KMT2D: variants seen among roughly 807,000 people sequenced by gnomAD.
KMT2D encodes the protein histone-lysine N-methyltransferase 2D.
KMT2D carries 55 observed loss-of-function variants against 512.7 expected under a neutral mutation model. That is an observed-to-expected ratio of 0.11 (90% confidence interval 0.09 to 0.13). KMT2D has a LOEUF of 0.13. Ranked by LOEUF, KMT2D falls within the 10% of genes least tolerant of loss-of-function variation. KMT2D has a pLI of 1.00. For missense variants in KMT2D, 6,061 were observed against 7,127.9 expected (o/e 0.85, Z 5.39); for synonymous variants, 2,995 against 2,904.0 (o/e 1.03, Z -1.01).
chr12:49,033,216 G>A lies in KMT2D; in HGVS notation c.11489C>T (p.Thr3830Ile), dbSNP rs1943043352. 1 of 1,551,486 alleles carries A rather than the reference G, an allele frequency of 6.4e-7. No individual in the cohort carries two copies. The change falls in exon 40 of 55, where the codon ACC (threonine) becomes ATC (isoleucine). Residue 3830 changes from threonine (T) to isoleucine (I), a missense_variant. Physicochemically the swap from Thr to Ile is moderately conservative, Grantham distance 89 (BLOSUM62 -1). This residue lies in a region of KMT2D where 1,600 missense variants were observed against 1,754.9 expected (regional missense o/e 0.91). Transcript: ENST00000301067. ...GGGGGAACTGAGCACCCGGGACTGG[G>A]TCATAAGCACCTGTCTGTGAGGGCC... ...PQGPHRQVLM[T>I]QSRVLSSPQL...
chr12:49,040,004 G>C lies in KMT2D; in HGVS notation c.7766C>G (p.Pro2589Arg), dbSNP rs2120520853. 1 of 1,613,720 alleles carries C rather than the reference G, an allele frequency of 6.2e-7. No individual in the cohort carries two copies. The highest frequency in any genetic ancestry group is 8.5e-7 in the Non-Finnish European group (1 of 1,179,786). The part of the protein sequence containing the change: ...NYTVATGNFH[P>R]SGSPLGPSSG... ...GCTGGGCCCCAGGGGGCTGCCCGAT[G>C]GGTGGAAGTTCCCTGTGGCTACTGT... Residue 2589 changes from proline to arginine, a missense_variant, in exon 32 of 55, where the codon CCA becomes CGA. Physicochemically the swap from Pro to Arg is moderately radical, Grantham distance 103. This residue lies in a region of KMT2D where 527 missense variants were observed against 578.9 expected (regional missense o/e 0.91). Transcript: ENST00000301067.
rs2120707603 is a variant in KMT2D at position 49,054,329 on chromosome 12, G to A, written c.488C>T (p.Ala163Val). 6.3e-7 allele frequency: 1 copy of A among 1,595,342 alleles called. No individual in the cohort carries two copies. The highest frequency in any genetic ancestry group is 1.3e-5 in the African/African-American group (1 of 74,572). ...EGPELCGVDKAIFSGISQRCS... is the reference protein window; with the variant it reads ...EGPELCGVDKVIFSGISQRCS... ...CACCTGTGAGATCCCTGAGAAGATG[G>A]CCTTGTCCACACCACATAGTTCTGG... Residue 163 changes from alanine to valine, a missense_variant, in exon 5 of 55, where the codon GCC (alanine) becomes GTC (valine). Ala to Val is a moderately conservative substitution (Grantham distance 64). Coordinates refer to ENST00000301067, the MANE Select transcript of KMT2D (RefSeq NM_003482.4). This position sits in a 1 kb window ranked among gnomAD's most constrained non-coding sequence, Gnocchi z 6.4.
intron 35 of KMT2D, 63 bp downstream of exon 35, chr12:49,037,062 T>G (rs1000730378): frequency 6.6e-7 from 1 of 1,511,996 alleles, no homozygotes; most frequent in Non-Finnish European, 8.9e-7. Flanking sequence ...CTAGCCTCAG[T>G]GCCCATTTAG....
At position 49,031,565 on chromosome 12, in the gene KMT2D, T is replaced by TGGG. The variant is rs756684775; in HGVS notation, c.13137_13139dup (p.Pro4380dup). ...GCTTCTGGGTTTCTGCTAGGTTGTC[T>TGGG]GGGGGATCCCAAGGTCCCAGACCCT... On this transcript the variant is annotated inframe_insertion, in exon 40 of 55. Coordinates refer to ENST00000301067, the MANE Select transcript of KMT2D (RefSeq NM_003482.4). 6.2e-7 allele frequency: 1 copy of TGGG among 1,601,836 alleles called. No individual in the cohort carries two copies.
chr12:49,049,358 G>A lies in KMT2D; in HGVS notation c.3907-140C>T, dbSNP rs557348196. 86 of 622,326 alleles carry A rather than the reference G, an allele frequency of 1.4e-4. No homozygotes were observed. The African/African-American group carries it at 1.4e-3, about 10-fold the overall frequency. The allele number at this position is 622,326 out of a possible 1,614,324, so 38.6% of individuals were successfully genotyped here. On this transcript the variant is annotated intron_variant, in intron 12 of 54. Transcript: ENST00000301067. Reference sequence around the variant, plus strand: ...GAGTCCCACTCAGGGCAAGGGAAAAGGCCAAACTCCCAGATATCAACAAGC... The same window carrying A: ...GAGTCCCACTCAGGGCAAGGGAAAAAGCCAAACTCCCAGATATCAACAAGC...
intron 36 of KMT2D, 24 bp downstream of exon 36, chr12:49,034,788 C>G (rs1285887943): frequency 1.2e-6 from 2 of 1,610,622 alleles, no homozygotes; most frequent in African/African-American, 1.3e-5. Flanking sequence ...AAAGGGCCAA[C>G]CCCATTCCAG....
In KMT2D at chr12:49,038,132, G is replaced by A. The variant is rs1943317302; in HGVS notation, c.9224C>T (p.Ser3075Leu). 2 of 1,613,832 alleles carry A rather than the reference G, an allele frequency of 1.2e-6. No individual in the cohort carries two copies. Among genetic ancestry groups the A allele is most frequent in the South Asian group, 1.1e-5 (1 of 91,090 alleles). Residue 3075 changes from serine (S) to leucine (L), a missense_variant, in exon 35 of 55, where the codon TCG becomes TTG. Ser to Leu is a moderately radical substitution (Grantham distance 145). Transcript: ENST00000301067. The surrounding 1 kb of genome is among the most constrained non-coding windows in gnomAD (Gnocchi z 5.7). ...CTCCCGTTCAGCCTTCTCATTAGCC[G>A]ATTCTACCAGCCTCAGGTGCTCATT... is the stretch of plus-strand genomic sequence containing the variant. ...IFNEHLRLVE[S>L]ANEKAEREAL...
rs377008550 is a variant in KMT2D at position 49,054,355 on chromosome 12, G to A, written c.462C>T (p.Gly154=). The change falls in exon 5 of 55, where the codon GGC becomes GGT. Residue 154 remains glycine (G), a synonymous_variant. Coordinates refer to ENST00000301067, the MANE Select transcript of KMT2D (RefSeq NM_003482.4). This position sits in a 1 kb window ranked among gnomAD's most constrained non-coding sequence, Gnocchi z 6.4. ...CCTTGTCCACACCACATAGTTCTGG[G>A]CCCTCCTGCCCCCATACGCCTGCCG... ...AWSAGVWGQE[G]PELCGVDKAI... is the part of the protein sequence containing the mutation. 3.1e-6 allele frequency: 5 copies of A among 1,597,404 alleles called. No homozygotes were observed. The African/African-American group carries it at 5.4e-5, about 17-fold the overall frequency.
chr12:49,058,389 C>T (rs1296459580), intron 1 of KMT2D, among the ~76,000 whole-genome samples: 1 of 152,198 alleles, frequency 6.6e-6, no homozygotes, highest in East Asian at 1.9e-4. Flanking sequence ...AAGGCAAAAC[C>T]CCTATTTTCT....
chr12:49,060,304 G>A lies in KMT2D; in HGVS notation c.-729C>T, dbSNP rs1236820260. 6.6e-6 allele frequency among the ~76,000 whole-genome samples: 1 copy of A among 152,120 alleles called. No individual in the cohort carries two copies. Among genetic ancestry groups the A allele is most frequent in the African/African-American group, 2.4e-5 (1 of 41,442 alleles). ...GAGGAGGCTAGGTAGGCGAGGAAAA[G>A]GAAGGGGCGGGCGGTGCGAGCCCTC... is the stretch of plus-strand genomic sequence containing the variant. On this transcript the variant is annotated 5_prime_UTR_variant, in exon 1 of 55. Transcript: ENST00000301067.
chr12:49,053,063 C>G lies in KMT2D; in HGVS notation c.964G>C (p.Val322Leu), dbSNP rs781206901. ...GAGCCCGCCCCACAGGCCCGGCACACCCGGCACGCCTAAGGGAAGGGAGTG... is the reference window on the plus strand; with the variant it reads ...GAGCCCGCCCCACAGGCCCGGCACAGCCGGCACGCCTAAGGGAAGGGAGTG... Reference protein sequence around the residue: ...AHSWKCKACRVCRACGAGSAE... With the variant: ...AHSWKCKACRLCRACGAGSAE... Residue 322 changes from valine to leucine, a missense_variant, in exon 9 of 55, where the codon GTG becomes CTG. Around this residue, in one of 16 missense-constraint regions of KMT2D, gnomAD observed 160 missense variants for 225.8 expected, o/e 0.71. Transcript: ENST00000301067. 2.2e-5 allele frequency: 36 copies of G among 1,613,918 alleles called. No homozygotes were observed. The South Asian group carries it at 3.6e-4, about 16-fold the overall frequency.
rs776110112 is a variant in KMT2D, at chr12:49,051,419, C to T, written c.2264G>A (p.Arg755Gln). The change falls in exon 11 of 55, where the codon CGG becomes CAG. Residue 755 changes from arginine to glutamine, a missense_variant. Arg to Gln is a conservative substitution (Grantham distance 43). This residue lies in a region of KMT2D where 848 missense variants were observed against 838.5 expected (regional missense o/e 1.01). Transcript: ENST00000301067. ...CGGAGATAGGTGTGGCTCCTCAGGC[C>T]GGGGGGACAGGTGCGGCTCCTCAGG... Reference protein sequence around the residue: ...PRPEEPHLSPRPEEPHLSPQA... With the variant: ...PRPEEPHLSPQPEEPHLSPQA... 9.4e-6 allele frequency: 15 copies of T among 1,594,578 alleles called. No individual in the cohort carries two copies. The highest frequency in any genetic ancestry group is 4.4e-5 in the African/African-American group (3 of 67,804).
rs2120568135 is a variant in KMT2D, at chr12:49,043,402, C to T, written c.5494G>A (p.Glu1832Lys). The change falls in exon 25 of 55, where the codon GAA becomes AAA. Residue 1832 changes from glutamate (E) to lysine (K), a missense_variant. Glu to Lys is a moderately conservative substitution (Grantham distance 56). This residue lies in a region of KMT2D where 640 missense variants were observed against 814.3 expected (regional missense o/e 0.79). Coordinates refer to ENST00000301067, the MANE Select transcript of KMT2D (RefSeq NM_003482.4). ...KGDDGPDIADEESRGLEGKAD... is the reference protein window; with the variant it reads ...KGDDGPDIADKESRGLEGKAD... ...TTGCCCTCGAGGCCACGGGATTCTT[C>T]ATCTGCAATATCTGGACCATCATCT... The T allele has an allele frequency of 1.2e-6, 2 of 1,614,010 alleles. No homozygotes were observed. Among genetic ancestry groups the T allele is most frequent in the South Asian group, 1.1e-5 (1 of 91,086 alleles).
At chr12:49,047,459 C>T (rs1373453148) in intron 15 of KMT2D, among the ~76,000 whole-genome samples, 1 of 132,418 alleles carries the variant, frequency 7.6e-6, no homozygotes, top group African/African-American at 3.0e-5. Flanking sequence ...GTTGCCCAGG[C>T]TGGAGTGGAG....
Position 49,039,772 on chromosome 12 carries a change from G to T in KMT2D, c.7998C>A (p.Asp2666Glu), listed in dbSNP as rs1258008817. The T allele has an allele frequency of 3.3e-5, 53 of 1,613,752 alleles. No individual in the cohort carries two copies. Among genetic ancestry groups the T allele is most frequent in the Non-Finnish European group, 4.3e-5 (51 of 1,179,888 alleles). The change falls in exon 32 of 55, where the codon GAC becomes GAA. Residue 2666 changes from aspartate (D) to glutamate (E), a missense_variant. Around this residue, in one of 16 missense-constraint regions of KMT2D, gnomAD observed 527 missense variants for 578.9 expected, o/e 0.91. Coordinates refer to ENST00000301067, the MANE Select transcript of KMT2D (RefSeq NM_003482.4). This position sits in a 1 kb window ranked among gnomAD's most constrained non-coding sequence, Gnocchi z 5.0. Reference sequence around the variant, plus strand: ...TTTGGCTAAGGCCGGACATGCCTGGGTCCTGGGTACCTGGGAGTTCAGCTG... The same window carrying T: ...TTTGGCTAAGGCCGGACATGCCTGGTTCCTGGGTACCTGGGAGTTCAGCTG... ...LATAELPGTQ[D>E]PGMSGLSQTE...
rs1317027250 is a variant in KMT2D, at chr12:49,030,750, G to A, written c.13690C>T (p.Leu4564=). The part of the protein sequence containing the change: ...QLKQELSLLP[L]TEPAITANFS... ...TTGGCGGTGATAGCAGGCTCCGTTA[G>A]GGGCAGCAGGGACAGCTCCTACAAG... Residue 4564 remains leucine, a synonymous_variant, in exon 42 of 55, where the codon CTA becomes TTA. Coordinates refer to ENST00000301067, the MANE Select transcript of KMT2D (RefSeq NM_003482.4). 2 of 1,613,540 alleles carry A rather than the reference G, an allele frequency of 1.2e-6. No homozygotes were observed. The highest frequency in any genetic ancestry group is 2.7e-5 in the African/African-American group (2 of 74,934).
At position 49,049,750 on chromosome 12, in the gene KMT2D, T is replaced by G. The variant is rs748420199; in HGVS notation, c.3838A>C (p.Ser1280Arg). 7 of 1,609,458 alleles carry G rather than the reference T, an allele frequency of 4.3e-6. No homozygotes were observed. The South Asian group carries it at 4.4e-5, about 10-fold the overall frequency. The change falls in exon 12 of 55, where the codon AGC becomes CGC. Residue 1280 changes from serine (S) to arginine (R), a missense_variant. Physicochemically the swap from Ser to Arg is moderately radical, Grantham distance 110. This residue lies in a region of KMT2D where 447 missense variants were observed against 500.1 expected (regional missense o/e 0.89). Coordinates refer to ENST00000301067, the MANE Select transcript of KMT2D (RefSeq NM_003482.4). Reference protein sequence around the residue: ...SLLCDAGTAISGGKAEGEKGR... With the variant: ...SLLCDAGTAIRGGKAEGEKGR... Reference sequence around the variant, plus strand: ...TTCTCCCCCTCAGCTTTGCCTCCGCTGATAGCTGTCCCAGCATCGCACAAT... The same window carrying G: ...TTCTCCCCCTCAGCTTTGCCTCCGCGGATAGCTGTCCCAGCATCGCACAAT...
At chr12:49,059,420 A>G (rs907420243) in intron 1 of KMT2D, among the ~76,000 whole-genome samples, 193 bp downstream of exon 1, 2 of 151,972 alleles carry the variant, frequency 1.3e-5, no homozygotes, top group African/African-American at 4.8e-5. Context: ...AAAGAGGCAC[A>G]CCCCAAGACA....
Position 49,029,109 on chromosome 12 carries a change from G to C in KMT2D, c.14203C>G (p.Arg4735Gly), listed in dbSNP as rs751383638. The C allele has an allele frequency of 3.1e-6, 5 of 1,611,124 alleles. No individual in the cohort carries two copies. In the South Asian group the frequency reaches 5.5e-5, roughly 18 times the overall value. The change falls in exon 45 of 55, where the codon CGG becomes GGG. Residue 4735 changes from arginine to glycine, a missense_variant. Coordinates refer to ENST00000301067, the MANE Select transcript of KMT2D (RefSeq NM_003482.4). ...AGGGGGATGACAGGGGAGAGGGCCC[G>C]GTCCTCTTGCTCCCACCGGCCTGAG... ...LGSGRWEQED[R>G]ALSPVIPLIP...
Sources: allele counts gnomAD v4.1 joint callset (sites outside exome capture counted in the v4.1 genomes callset), GRCh38; gene constraint gnomAD v4.1.1; regional missense constraint gnomAD v4.1.1; non-coding constraint Gnocchi (gnomAD v3.1); transcripts MANE v1.5; gene names NCBI Gene and HGNC (gene_info 2026-07-23, HGNC 2026-07-21).